ZSWIM5: variants seen among roughly 807,000 people sequenced by gnomAD.
ZSWIM5 encodes zinc finger SWIM domain-containing protein 5.
A neutral mutation model predicts 119.6 loss-of-function variants in ZSWIM5; 55 were observed. That is an observed-to-expected ratio of 0.46 (90% confidence interval 0.37 to 0.58). The LOEUF is 0.58. Ranked by LOEUF, ZSWIM5 falls within the 20% of genes least tolerant of loss-of-function variation. ZSWIM5 has a pLI of 0.00. For synonymous variants in ZSWIM5, 537 were observed against 606.9 expected (o/e 0.88, Z 1.69); for missense variants, 1,193 against 1,512.8 (o/e 0.79, Z 3.51).
rs535516785 is a variant in ZSWIM5 at position 45,133,866 on chromosome 1, G to A, written c.596-45629C>T. ...TTCCCAGCACCGTTTATTAAATAGGGAATCCTTTCCCCATTGCTTGTTTTT... is the reference window on the plus strand; with the variant it reads ...TTCCCAGCACCGTTTATTAAATAGGAAATCCTTTCCCCATTGCTTGTTTTT... On this transcript the variant is annotated intron_variant, in intron 1 of 13. Transcript: ENST00000359600. 6.8e-3 allele frequency among the ~76,000 whole-genome samples: 1,027 copies of A among 152,020 alleles called. 9 individuals carry two copies. The highest frequency in any genetic ancestry group is 0.014 in the Middle Eastern group (4 of 294).
At chr1:45,114,896 C>T (rs1388908473) in intron 1 of ZSWIM5, among the ~76,000 whole-genome samples, 1 of 152,188 alleles carries the variant, frequency 6.6e-6, no homozygotes, top group Admixed American at 6.5e-5. Context: ...GCACATCTTG[C>T]ACTGCCCTTA....
At position 45,040,419 on chromosome 1, in the gene ZSWIM5, G is replaced by A. The variant is rs1645012138; in HGVS notation, c.1729C>T (p.Leu577=). 1 of 1,611,000 alleles carries A rather than the reference G, an allele frequency of 6.2e-7. No homozygotes were observed. Among genetic ancestry groups the A allele is most frequent in the Non-Finnish European group, 8.5e-7 (1 of 1,178,718 alleles). ...TTCTTCTGATGCTTGTAGATTTCCA[G>A]TTGCCGCTGCTGCTGCAACCTCAGA... is the stretch of plus-strand genomic sequence containing the variant. ...NTLRLQQQRQ[L]EIYKHQKKEL... is the part of the protein sequence containing the mutation. Residue 577 remains leucine (L), a synonymous_variant, in exon 7 of 14, where the codon CTG becomes TTG. Transcript: ENST00000359600.
intron 2 of ZSWIM5, among the ~76,000 whole-genome samples, chr1:45,073,056 T>C (rs1645233346): frequency 6.6e-6 from 1 of 151,888 alleles, no homozygotes; most frequent in South Asian, 2.1e-4. Context: ...TCCATGAACA[T>C]GGAATATCTT....
intron 1 of ZSWIM5, among the ~76,000 whole-genome samples, chr1:45,118,047 G>T (rs1314806290): frequency 6.6e-6 from 1 of 151,254 alleles, no homozygotes; most frequent in Non-Finnish European, 1.5e-5. Flanking sequence ...AGCTTGCAGG[G>T]AGCCGAGATC....
chr1:45,146,024 C>G lies in ZSWIM5; in HGVS notation c.596-57787G>C, dbSNP rs565344734. On this transcript the variant is annotated intron_variant, in intron 1 of 13. Transcript: ENST00000359600. ...TAAGAAAAGGACTGAGAAGTGACAA[C>G]TGGCAATGCAGAGGTGGCTCTGATG... Among the ~76,000 whole-genome samples the G allele has an allele frequency of 4.6e-5, 7 of 152,234 alleles. No homozygotes were observed. In the South Asian group the frequency reaches 1.5e-3, roughly 32 times the overall value.
intron 1 of ZSWIM5, among the ~76,000 whole-genome samples, chr1:45,103,493 T>C (rs537654952): frequency 1.3e-5 from 2 of 152,372 alleles, no homozygotes; most frequent in South Asian, 4.1e-4. Flanking sequence ...CTCCAGAGCC[T>C]ATATTCTTAA....
At chr1:45,081,652 G>A (rs1450914963) in intron 2 of ZSWIM5, among the ~76,000 whole-genome samples, 1 of 152,176 alleles carries the variant, frequency 6.6e-6, no homozygotes, top group Non-Finnish European at 1.5e-5. Flanking sequence ...GCGTGATCTC[G>A]GCTTGCTACA....
At chr1:45,128,811 G>A (rs1184418495) in intron 1 of ZSWIM5, among the ~76,000 whole-genome samples, 1 of 151,920 alleles carries the variant, frequency 6.6e-6, no homozygotes, top group Non-Finnish European at 1.5e-5. Context: ...ACAAACCTCT[G>A]GCAACCACTA....
chr1:45,042,711 G>T (rs184904645), intron 6 of ZSWIM5, among the ~76,000 whole-genome samples: 3 of 152,310 alleles, frequency 2.0e-5, no homozygotes, highest in Non-Finnish European at 4.4e-5. Context: ...TATTTCAGAG[G>T]AGGGTTTAAA....
rs1359841877 is a variant in ZSWIM5, at chr1:45,091,410, A to G, written c.596-3173T>C. On this transcript the variant is annotated intron_variant, in intron 1 of 13. Coordinates refer to ENST00000359600, the MANE Select transcript of ZSWIM5 (RefSeq NM_020883.2). ...GGTGGCTCATGCCTGTAATCCCAGC[A>G]CTGTGGGGGGCCAAGGCAGGAGGAT... is the stretch of plus-strand genomic sequence containing the variant. Among the ~76,000 whole-genome samples, 5 of 151,162 alleles carry G rather than the reference A, an allele frequency of 3.3e-5. 1 individual carries two copies. Among genetic ancestry groups the G allele is most frequent in the Admixed American group, 2.7e-4 (4 of 15,078 alleles).
At chr1:45,196,944 G>GAGGTT (rs1406034776) in intron 1 of ZSWIM5, among the ~76,000 whole-genome samples, 1 of 152,124 alleles carries the variant, frequency 6.6e-6, no homozygotes, top group African/African-American at 2.4e-5. Flanking sequence ...TTACTGACTA[G>GAGGTT]AGGTTACACA....
intron 1 of ZSWIM5, among the ~76,000 whole-genome samples, chr1:45,096,536 ACACACACACACACACACG>A (rs1196062820): frequency 1.8e-5 from 2 of 113,582 alleles, no homozygotes; most frequent in African/African-American, 6.7e-5. Context: ...GGCCCTATCA[ACACACACACACACACACG>A]CACACACACA....
intron 1 of ZSWIM5, among the ~76,000 whole-genome samples, chr1:45,204,904 G>C (rs888448912): frequency 6.6e-6 from 1 of 151,964 alleles, no homozygotes; most frequent in Admixed American, 6.6e-5. Context: ...CAAATCAGAA[G>C]CACTGTATTT....
At chr1:45,117,578 G>A (rs1016782461) in intron 1 of ZSWIM5, among the ~76,000 whole-genome samples, 2 of 152,136 alleles carry the variant, frequency 1.3e-5, no homozygotes, top group African/African-American at 2.4e-5. Flanking sequence ...GAGATGAGGT[G>A]GGAGGATGGC....
chr1:45,053,532 C>A (rs1645102689), intron 4 of ZSWIM5, among the ~76,000 whole-genome samples: 1 of 151,800 alleles, frequency 6.6e-6, no homozygotes, highest in Admixed American at 6.6e-5. Context: ...GAGGCGGAGG[C>A]AGGTGGATTG....
Position 45,087,248 on chromosome 1 carries a change from A to G in ZSWIM5, c.952+633T>C, listed in dbSNP as rs370010297. Among the ~76,000 whole-genome samples, 8 of 152,214 alleles carry G rather than the reference A, an allele frequency of 5.3e-5. No individual in the cohort carries two copies. The East Asian group carries it at 1.5e-3, about 29-fold the overall frequency. On this transcript the variant is annotated intron_variant, in intron 2 of 13. Coordinates refer to ENST00000359600, the MANE Select transcript of ZSWIM5 (RefSeq NM_020883.2). ...TCTACAATCTGGTTTCATTATAAAA[A>G]CAAGCATTTGTTTCAGACCTGTCTG...
intron 2 of ZSWIM5, among the ~76,000 whole-genome samples, chr1:45,067,750 A>T (rs968245671): frequency 6.6e-6 from 1 of 152,204 alleles, no homozygotes; most frequent in Non-Finnish European, 1.5e-5. Flanking sequence ...TCCTTTCTTT[A>T]GTTTAAAAAT....
chr1:45,097,029 G>A (rs1362840499), intron 1 of ZSWIM5, among the ~76,000 whole-genome samples: 1 of 152,172 alleles, frequency 6.6e-6, no homozygotes, highest in Non-Finnish European at 1.5e-5. Context: ...TACTTTGCAG[G>A]TGGTCCTTGC....
intron 1 of ZSWIM5, among the ~76,000 whole-genome samples, chr1:45,163,464 A>T (rs1032080087): frequency 1.3e-5 from 2 of 152,222 alleles, no homozygotes; most frequent in Non-Finnish European, 2.9e-5. Context: ...ACAAAGCTAG[A>T]CAGAGAATGA....
Sources: gnomAD v4.1 joint callset for allele counts (sites outside exome capture counted in the v4.1 genomes callset) on GRCh38, gnomAD v4.1.1 for gene constraint, MANE v1.5 for transcripts, NCBI Gene and HGNC (gene_info 2026-07-23, HGNC 2026-07-21) for gene names.